PDE4C: variants seen among roughly 807,000 people sequenced by gnomAD.
PDE4C encodes phosphodiesterase 4C.
In PDE4C, 50 loss-of-function variants were observed where a neutral mutation model predicts 63.9. The ratio of observed to expected loss-of-function variants is 0.78; its 90% CI spans 0.62 to 0.99. The LOEUF (loss-of-function observed/expected upper bound fraction) is 0.99, where lower values mean the gene tolerates loss of function less well. Ranked by LOEUF, PDE4C falls within the 50% of genes least tolerant of loss-of-function variation. The pLI is 0.00. For missense variants in PDE4C, 777 were observed against 899.1 expected (o/e 0.86, Z 1.74); for synonymous variants, 377 against 385.1 (o/e 0.98, Z 0.25).
chr19:18,215,330 C>G (rs1374194994), intron 12 of PDE4C, among the ~76,000 whole-genome samples: 1 of 152,138 alleles, frequency 6.6e-6, no homozygotes, highest in African/African-American at 2.4e-5. Flanking sequence ...CCTTCCTCCT[C>G]ACAGCTCTGC....
At chr19:18,217,829 A>G (rs1297728623) in intron 11 of PDE4C, among the ~76,000 whole-genome samples, 3 of 152,074 alleles carry the variant, frequency 2.0e-5, no homozygotes, top group Non-Finnish European at 2.9e-5. Flanking sequence ...CCTGGGAGGT[A>G]GAGGTTGCAG....
chr19:18,250,101 T>C (rs1214973030), upstream of PDE4C: 1 of 398,626 alleles, frequency 2.5e-6, no homozygotes, highest in East Asian at 3.6e-5. Flanking sequence ...GCCCCATCCA[T>C]GCCCCCATCT....
upstream of PDE4C, among the ~76,000 whole-genome samples, chr19:18,235,194 G>A (rs115946644): frequency 1.5e-3 from 223 of 152,190 alleles, no homozygotes; most frequent in African/African-American, 5.0e-3. Context: ...TGTTTGAGAC[G>A]GAGTCTCACT....
chr19:18,247,902 G>A (rs1054580050), intron 1 of PDE4C, among the ~76,000 whole-genome samples: 5 of 152,128 alleles, frequency 3.3e-5, no homozygotes, highest in Admixed American at 6.5e-5. Flanking sequence ...TGAGACACCC[G>A]CCCGGACCTT....
Position 18,222,695 on chromosome 19 carries a change from C to CTTT in PDE4C, c.147-375_147-373dup, listed in dbSNP as rs1568671568. On this transcript the variant is annotated intron_variant, in intron 1 of 14. Coordinates refer to ENST00000262805, the Ensembl canonical transcript of PDE4C. ...TCTCTCTCTCTCTCTCTCGCCCTTT[C>CTTT]TTTTCTTTTTTTTTTTTTTTTTTTG... is the stretch of plus-strand genomic sequence containing the variant. 8.3e-4 allele frequency among the ~76,000 whole-genome samples: 34 copies of CTTT among 40,922 alleles called. 1 individual carries two copies. The highest frequency in any genetic ancestry group is 1.1e-3 in the Non-Finnish European group (21 of 18,652). 26.8% of individuals were successfully genotyped at this position (40,922 alleles called of 152,430 possible). A position where few individuals can be genotyped will look rare whatever the true frequency, so the allele number is the denominator to read the frequency against.
chr19:18,210,081 T>A (rs533446915), downstream of PDE4C: 10 of 152,474 alleles, frequency 6.6e-5, no homozygotes, highest in Admixed American at 5.9e-4. Context: ...AGTGCAGTGA[T>A]GCAGTCATAG....
intron 12 of PDE4C, 97 bp downstream of exon 12, chr19:18,216,644 C>T (rs377348031): frequency 2.9e-4 from 365 of 1,252,278 alleles, no homozygotes; most frequent in Admixed American, 3.7e-4. Context: ...GATGAACCGC[C>T]GGCCATGCCA....
In PDE4C at chr19:18,220,880, G is replaced by A. The variant is rs563886076; in HGVS notation, c.493C>T (p.Pro165Ser). ...GAAGGAACAGGTACTTTACCTGCAGGAGGGAGCTGATTGCTGGATGAAGGG... is the reference window on the plus strand; with the variant it reads ...GAAGGAACAGGTACTTTACCTGCAGAAGGGAGCTGATTGCTGGATGAAGGG... The change falls in exon 5 of 15, where the codon CCT becomes TCT. Residue 165 changes from proline to serine, a missense_variant. Around this residue, in one of 3 missense-constraint regions of PDE4C, gnomAD observed 249 missense variants for 247.8 expected, o/e 1.00. Transcript: ENST00000262805. The surrounding 1 kb of genome is among the most constrained non-coding windows in gnomAD (Gnocchi z 5.1). The A allele has an allele frequency of 1.3e-4, 206 of 1,608,636 alleles. No homozygotes were observed. The highest frequency in any genetic ancestry group is 1.7e-4 in the Non-Finnish European group (199 of 1,178,402).
rs1015151742 is a variant in PDE4C, at chr19:18,218,809, C to A, written c.969+131G>T. On this transcript the variant is annotated intron_variant, in intron 9 of 14. Coordinates refer to ENST00000262805, the Ensembl canonical transcript of PDE4C. ...GTGAACTCCTATTCATCCTTCAATACCCTGCTCAAATTATCCCCTTCAGAA... is the reference window on the plus strand; with the variant it reads ...GTGAACTCCTATTCATCCTTCAATAACCTGCTCAAATTATCCCCTTCAGAA... 7 of 789,786 alleles carry A rather than the reference C, an allele frequency of 8.9e-6. No individual in the cohort carries two copies. In the South Asian group the frequency reaches 9.9e-5, roughly 11 times the overall value. 48.9% of individuals were successfully genotyped at this position (789,786 alleles called of 1,614,324 possible). A position where few individuals can be genotyped will look rare whatever the true frequency, so the allele number is the denominator to read the frequency against.
At chr19:18,233,591 G>T (rs1029546438) in exon 1 of PDE4C, 3 of 476,792 alleles carry the variant, frequency 6.3e-6, no homozygotes, top group African/African-American at 5.9e-5. Flanking sequence ...TAAATGGAGG[G>T]CAGGGAGACA....
chr19:18,227,627 G>A (rs1168585080), upstream of PDE4C, among the ~76,000 whole-genome samples: 1 of 152,148 alleles, frequency 6.6e-6, no homozygotes, highest in Non-Finnish European at 1.5e-5. Flanking sequence ...GGAAACCAAG[G>A]CTTAGCATGT....
At chr19:18,253,746 C>T in the PDE4C span, among the ~76,000 whole-genome samples, 4 of 152,164 alleles carry the variant, frequency 2.6e-5, no homozygotes, top group Non-Finnish European at 5.9e-5. Flanking sequence ...ACCCACCCTT[C>T]TACGTGTTGG....
rs761694850 is a variant in PDE4C at position 18,220,576 on chromosome 19, C to G, written c.500-61G>C. ...CCCCGCTCAGGGACCCCACGCCTCT[C>G]GCGACTTCGTCTCTTCATCTGGACC... On this transcript the variant is annotated intron_variant, in intron 5 of 14. Transcript: ENST00000262805. This position sits in a 1 kb window ranked among gnomAD's most constrained non-coding sequence, Gnocchi z 5.1. The G allele has an allele frequency of 2.8e-6, 4 of 1,413,830 alleles. No individual in the cohort carries two copies. In the South Asian group the frequency reaches 4.8e-5, roughly 17 times the overall value. 87.6% of individuals were successfully genotyped at this position (1,413,830 alleles called of 1,614,324 possible).
intron 14 of PDE4C, 42 bp from the exon 15 acceptor site, chr19:18,211,318 A>T (rs1344762258): frequency 6.7e-7 from 1 of 1,492,366 alleles, no homozygotes; most frequent in East Asian, 2.3e-5. Context: ...GGTGAGTTAC[A>T]GTGAACCCTA....
upstream of PDE4C, among the ~76,000 whole-genome samples, chr19:18,249,464 G>A (rs193126940): frequency 3.0e-4 from 45 of 150,966 alleles, no homozygotes; most frequent in Non-Finnish European, 5.3e-4. Flanking sequence ...TAGTAAAGAT[G>A]GGGTTTCACC....
At chr19:18,228,379 G>A (rs753514120), upstream of PDE4C, among the ~76,000 whole-genome samples, 1 of 151,990 alleles carries the variant, frequency 6.6e-6, no homozygotes, top group African/African-American at 2.4e-5. Flanking sequence ...ATTTTCAGAC[G>A]AAACCTACAA....
At chr19:18,232,770 A>G (rs1159776695) in intron 1 of PDE4C, among the ~76,000 whole-genome samples, 1 of 152,046 alleles carries the variant, frequency 6.6e-6, no homozygotes, top group African/African-American at 2.4e-5. Context: ...ACAAGCCATG[A>G]TGACACCAGC....
upstream of PDE4C, among the ~76,000 whole-genome samples, chr19:18,234,875 C>G (rs563558923): frequency 3.2e-4 from 48 of 152,296 alleles, no homozygotes; most frequent in Non-Finnish European, 5.4e-4. Flanking sequence ...CTGTTCTATG[C>G]TTGGGTGGTT....
intron 1 of PDE4C, chr19:18,224,631 G>A (rs1968646486): frequency 3.8e-6 from 2 of 528,096 alleles, no homozygotes; most frequent in Non-Finnish European, 4.9e-6. Context: ...AACAAGTCCG[G>A]GTGACGCTCG....
Sources: gnomAD v4.1 joint callset for allele counts (sites outside exome capture counted in the v4.1 genomes callset) on GRCh38, gnomAD v4.1.1 for gene constraint, gnomAD v4.1.1 regional missense constraint, Gnocchi (gnomAD v3.1) non-coding constraint, MANE v1.5 for transcripts, NCBI Gene and HGNC (gene_info 2026-07-23, HGNC 2026-07-21) for gene names.